The following VWA3A variants were observed in gnomAD, a reference collection of about 807,000 sequenced individuals.
VWA3A encodes von Willebrand factor A domain-containing protein 3A.
A neutral mutation model predicts 160.4 loss-of-function variants in VWA3A; 134 were observed. That is an observed-to-expected ratio of 0.84 (90% CI 0.73 to 0.96). The LOEUF is 0.96. Among genes scored for constraint, VWA3A ranks in the 40% least tolerant of loss-of-function variants. The pLI is 0.00. For missense variants in VWA3A, 1,310 were observed against 1,447.9 expected (o/e 0.90, Z 1.55); for synonymous variants, 476 against 543.4 (o/e 0.88, Z 1.72).
At chr16:22,152,079 C>G (rs1218586175) in intron 30 of VWA3A, among the ~76,000 whole-genome samples, 1 of 152,142 alleles carries the variant, frequency 6.6e-6, no homozygotes, top group Non-Finnish European at 1.5e-5. Context: ...GGCGTGGTGG[C>G]AGGTGCCTGT....
intron 20 of VWA3A, among the ~76,000 whole-genome samples, chr16:22,133,541 G>A (rs987188520): frequency 2.0e-5 from 3 of 151,628 alleles, no homozygotes; most frequent in Non-Finnish European, 2.9e-5. Flanking sequence ...CCAGCTACTC[G>A]GGAGGCTGAG....
chr16:22,135,346 A>G (rs953047925), intron 21 of VWA3A, among the ~76,000 whole-genome samples: 2 of 152,168 alleles, frequency 1.3e-5, no homozygotes, highest in African/African-American at 4.8e-5. Context: ...TTTTCCCTCC[A>G]GGTGCATCCC....
chr16:22,110,742 G>C (rs2045541262), intron 7 of VWA3A, 146 bp from the exon 8 acceptor site: 2 of 580,472 alleles, frequency 3.4e-6, no homozygotes, highest in Admixed American at 7.9e-5. Context: ...ATGTCGGCTT[G>C]GGGCTGGCTG....
At chr16:22,110,723 A>G (rs760435444) in intron 7 of VWA3A, among the ~76,000 whole-genome samples, 165 bp from the exon 8 acceptor site, 2 of 152,222 alleles carry the variant, frequency 1.3e-5, no homozygotes, top group Non-Finnish European at 2.9e-5. Context: ...CCCGGCAGGC[A>G]GGAAGCAAAT....
chr16:22,134,385 G>A lies in VWA3A; in HGVS notation c.2086G>A (p.Asp696Asn). 1 of 1,599,374 alleles carries A rather than the reference G, an allele frequency of 6.3e-7. No individual in the cohort carries two copies. Among genetic ancestry groups the A allele is most frequent in the Non-Finnish European group, 8.5e-7 (1 of 1,172,592 alleles). Residue 696 changes from aspartate (D) to asparagine (N), a missense_variant, in exon 21 of 34, where the codon GAC becomes AAC. Coordinates refer to ENST00000389398, the MANE Select transcript of VWA3A (RefSeq NM_173615.5). ...FGDTGIYESDDINSIMSEMEK... is the reference protein window; with the variant it reads ...FGDTGIYESDNINSIMSEMEK... ...GTTTCCAGGCATTTATGAGAGCGAT[G>A]ACATCAACTCCATCATGTCTGAGAT... is the stretch of plus-strand genomic sequence containing the variant.
chr16:22,102,317 C>G lies in VWA3A; in HGVS notation c.429-1158C>G, dbSNP rs754090057. Among the ~76,000 whole-genome samples the G allele has an allele frequency of 5.8e-4, 88 of 151,960 alleles. 2 individuals carry two copies. The highest frequency in any genetic ancestry group is 1.5e-4 in the Non-Finnish European group (10 of 67,974). ...AGTGAGCCATGATCGTACCACTGCACTCCAGCCTGGGCAACAGAGTGAGAC... is the reference window on the plus strand; with the variant it reads ...AGTGAGCCATGATCGTACCACTGCAGTCCAGCCTGGGCAACAGAGTGAGAC... On this transcript the variant is annotated intron_variant, in intron 5 of 33. Coordinates refer to ENST00000389398, the MANE Select transcript of VWA3A (RefSeq NM_173615.5).
chr16:22,136,598 A>C (rs1304612644), intron 21 of VWA3A, among the ~76,000 whole-genome samples: 1 of 152,078 alleles, frequency 6.6e-6, no homozygotes, highest in African/African-American at 2.4e-5. Context: ...CTCACTTCCC[A>C]GACTGGATTG....
intron 7 of VWA3A, among the ~76,000 whole-genome samples, 174 bp from the exon 8 acceptor site, chr16:22,110,714 C>T (rs1337775286): frequency 6.6e-6 from 1 of 152,192 alleles, no homozygotes; most frequent in African/African-American, 2.4e-5. Context: ...CACAGGAGGC[C>T]CGGCAGGCAG....
At chr16:22,130,214 T>C (rs1354366156) in intron 17 of VWA3A, among the ~76,000 whole-genome samples, 1 of 152,140 alleles carries the variant, frequency 6.6e-6, no homozygotes, top group Non-Finnish European at 1.5e-5. Context: ...GAAGTTTGAC[T>C]GCAATAGGTT....
At chr16:22,105,191 C>T (rs910222900) in intron 6 of VWA3A, among the ~76,000 whole-genome samples, 2 of 152,164 alleles carry the variant, frequency 1.3e-5, no homozygotes, top group African/African-American at 2.4e-5. Context: ...TAGGCATCCA[C>T]GTAGGGCATG....
chr16:22,118,727 C>T (rs1346678572), intron 11 of VWA3A, among the ~76,000 whole-genome samples, 175 bp from the exon 12 acceptor site: 44 of 152,154 alleles, frequency 2.9e-4, no homozygotes, highest in Admixed American at 2.8e-3. Flanking sequence ...ATTGCACAAA[C>T]GGAGCACAGC....
chr16:22,154,911 G>A (rs1450636570), intron 31 of VWA3A, among the ~76,000 whole-genome samples: 5 of 132,616 alleles, frequency 3.8e-5, no homozygotes, highest in Non-Finnish European at 7.8e-5. Flanking sequence ...CCGAGATTGC[G>A]CCACTGCAGT....
intron 6 of VWA3A, among the ~76,000 whole-genome samples, chr16:22,106,980 C>T (rs2141858007): frequency 6.6e-6 from 1 of 152,282 alleles, no homozygotes; most frequent in Non-Finnish European, 1.5e-5. Flanking sequence ...GAGAAACAGT[C>T]TTGAAGAAAA....
intron 17 of VWA3A, among the ~76,000 whole-genome samples, chr16:22,129,402 A>AAAAGAAAGAAAGAAAGAAAG (rs1555458652): frequency 3.4e-5 from 4 of 118,980 alleles, no homozygotes; most frequent in African/African-American, 8.1e-5. Context: ...AAAAAAAAAA[A>AAAAGAAAGAAAGAAAGAAAG]AAAGAAAGAA....
At chr16:22,125,269 C>G (rs1218233707) in intron 16 of VWA3A, among the ~76,000 whole-genome samples, 1 of 151,690 alleles carries the variant, frequency 6.6e-6, no homozygotes, top group Non-Finnish European at 1.5e-5. Context: ...GCCTGTGGTC[C>G]CAGCAACTTG....
At chr16:22,151,344 G>A (rs1000836273) in intron 30 of VWA3A, among the ~76,000 whole-genome samples, 4 of 151,776 alleles carry the variant, frequency 2.6e-5, no homozygotes, top group East Asian at 1.9e-4. Context: ...GGCCCAAGCC[G>A]GTGTCACACC....
rs1308917241 is a variant in VWA3A, at chr16:22,097,255, G to A, written c.101+310G>A. Among the ~76,000 whole-genome samples the A allele has an allele frequency of 3.9e-5, 6 of 152,154 alleles. No individual in the cohort carries two copies. In the East Asian group the frequency reaches 7.7e-4, roughly 20 times the overall value. ...GCTGGGATTACAAGCGTGAGCCACC[G>A]TGCCTGGGCTAGTTCTCTGATTTTG... On this transcript the variant is annotated intron_variant, in intron 2 of 33. Coordinates refer to ENST00000389398, the MANE Select transcript of VWA3A (RefSeq NM_173615.5).
At chr16:22,115,200 C>T (rs1598058973) in intron 8 of VWA3A, 147 bp from the exon 9 acceptor site, 6 of 879,670 alleles carry the variant, frequency 6.8e-6, no homozygotes, top group Non-Finnish European at 9.7e-6. Flanking sequence ...CGCTTGGGCC[C>T]AGGAGTTCGA....
intron 1 of VWA3A, among the ~76,000 whole-genome samples, chr16:22,096,154 G>A (rs1277245124): frequency 6.6e-6 from 1 of 152,140 alleles, no homozygotes. Flanking sequence ...GCAATGCATA[G>A]GACGGCCCCC....
Sources: allele counts gnomAD v4.1 joint callset (sites outside exome capture counted in the v4.1 genomes callset), GRCh38; gene constraint gnomAD v4.1.1; transcripts MANE v1.5; gene names NCBI Gene and HGNC (gene_info 2026-07-23, HGNC 2026-07-21).